UBE3D: variants seen among roughly 807,000 people sequenced by gnomAD.
The protein encoded by UBE3D is ubiquitin protein ligase E3D, also known as E3 ubiquitin-protein ligase E3D.
Under a neutral mutation model 49.6 loss-of-function variants are expected in UBE3D, and 48 were observed. The observed-to-expected ratio is 0.97, with a 90% CI of 0.77 to 1.23. The LOEUF (loss-of-function observed/expected upper bound fraction) is 1.23, where lower values mean the gene tolerates loss of function less well. Ranked by LOEUF, UBE3D falls within the 50% of genes most tolerant of loss-of-function variation. The pLI, the probability that UBE3D is intolerant of heterozygous loss-of-function variation, is 0.00. For missense variants in UBE3D, 452 were observed against 468.4 expected (o/e 0.96, Z 0.32); for synonymous variants, 189 against 174.2 (o/e 1.08, Z -0.67).
chr6:82,954,075 A>T (rs1174731006), intron 9 of UBE3D, among the ~76,000 whole-genome samples: 1 of 152,172 alleles, frequency 6.6e-6, no homozygotes, highest in Non-Finnish European at 1.5e-5. Context: ...GCCAGAGATG[A>T]GGTCAGAAAG....
chr6:82,910,211 C>A (rs548012260), intron 9 of UBE3D, among the ~76,000 whole-genome samples: 1 of 152,118 alleles, frequency 6.6e-6, no homozygotes, highest in Admixed American at 6.6e-5. Flanking sequence ...AAAACCCTTG[C>A]GTATCCACTC....
intron 5 of UBE3D, among the ~76,000 whole-genome samples, chr6:83,030,404 G>A (rs1210770852): frequency 6.6e-6 from 1 of 152,116 alleles, no homozygotes; most frequent in Non-Finnish European, 1.5e-5. Flanking sequence ...TTTTATAAAA[G>A]ACAGTTCCCC....
At chr6:83,013,658 A>T (rs1212453135) in intron 8 of UBE3D, among the ~76,000 whole-genome samples, 2 of 152,172 alleles carry the variant, frequency 1.3e-5, no homozygotes, top group East Asian at 3.8e-4. Flanking sequence ...GGAGGGGCGA[A>T]ATGCAGCAAC....
At chr6:82,891,531 T>C (rs1407959523), downstream of UBE3D, among the ~76,000 whole-genome samples, 1 of 152,172 alleles carries the variant, frequency 6.6e-6, no homozygotes, top group Non-Finnish European at 1.5e-5. Flanking sequence ...ACTAAGAACT[T>C]CAACGTTTCA....
intron 4 of UBE3D, among the ~76,000 whole-genome samples, chr6:83,043,672 A>T (rs1782827814): frequency 6.6e-6 from 1 of 152,172 alleles, no homozygotes; most frequent in Non-Finnish European, 1.5e-5. Context: ...TTTAAAATAC[A>T]ATGTTTTAGT....
intron 7 of UBE3D, among the ~76,000 whole-genome samples, chr6:83,020,201 T>C (rs1196690419): frequency 1.3e-5 from 2 of 152,236 alleles, no homozygotes; most frequent in Non-Finnish European, 2.9e-5. Flanking sequence ...ATTATTTTCA[T>C]TGCAGTTCAG....
At chr6:82,927,328 G>A (rs1403553910) in intron 9 of UBE3D, among the ~76,000 whole-genome samples, 2 of 151,142 alleles carry the variant, frequency 1.3e-5, no homozygotes, top group African/African-American at 2.4e-5. Context: ...TCAATATTGT[G>A]TTGGCTAGTT....
intron 8 of UBE3D, among the ~76,000 whole-genome samples, chr6:82,995,490 TCA>T (rs56663287): frequency 1.2e-4 from 16 of 138,254 alleles, no homozygotes; most frequent in Non-Finnish European, 1.9e-4. Context: ...ATACTAACAA[TCA>T]CACACACACA....
chr6:82,926,890 G>T (rs1227741882), intron 9 of UBE3D, among the ~76,000 whole-genome samples: 1 of 151,898 alleles, frequency 6.6e-6, no homozygotes, highest in African/African-American at 2.4e-5. Flanking sequence ...TTCTTTCATG[G>T]GGTATGCCTT....
chr6:82,969,237 G>T (rs1777169489), intron 8 of UBE3D, among the ~76,000 whole-genome samples: 1 of 132,792 alleles, frequency 7.5e-6, no homozygotes, highest in Non-Finnish European at 1.6e-5. Context: ...GGGGGTGGGG[G>T]TGGGGTGGGG....
Position 83,019,129 on chromosome 6 carries a change from A to C in UBE3D, c.854T>G (p.Leu285Arg). The C allele has an allele frequency of 6.2e-7, 1 of 1,612,840 alleles. No individual in the cohort carries two copies. Among genetic ancestry groups the C allele is most frequent in the Non-Finnish European group, 8.5e-7 (1 of 1,179,516 alleles). ...QDDKVYILLW[L>R]LNSDSLVIES... is the part of the protein sequence containing the mutation. ...AATCACCAAACTGTCTGAATTTAAA[A>C]GCCATAGCTAAAGATGTGAAGAGAA... The change falls in exon 8 of 10, where the codon CTT (leucine) becomes CGT (arginine). Residue 285 changes from leucine to arginine, a missense_variant. Physicochemically the swap from Leu to Arg is moderately radical, Grantham distance 102. Transcript: ENST00000369747.
intron 8 of UBE3D, among the ~76,000 whole-genome samples, chr6:82,974,356 A>AC (rs1260255022): frequency 6.6e-6 from 1 of 151,220 alleles, no homozygotes; most frequent in East Asian, 1.9e-4. Flanking sequence ...TGGTTCCAGG[A>AC]CCCCCCACAA....
intron 8 of UBE3D, among the ~76,000 whole-genome samples, chr6:82,972,366 G>T (rs1207796744): frequency 1.3e-5 from 2 of 152,170 alleles, no homozygotes; most frequent in East Asian, 1.9e-4. Flanking sequence ...GTCATAAGTG[G>T]ATTTCTCTGA....
chr6:83,034,366 CT>C (rs1298356795), intron 5 of UBE3D, among the ~76,000 whole-genome samples: 2 of 152,034 alleles, frequency 1.3e-5, no homozygotes, highest in Admixed American at 6.5e-5. Flanking sequence ...CTTGTTCAAC[CT>C]TTTTTCTTCT....
intron 8 of UBE3D, among the ~76,000 whole-genome samples, chr6:82,968,463 T>A (rs1184892372): frequency 6.6e-6 from 1 of 152,180 alleles, no homozygotes; most frequent in Non-Finnish European, 1.5e-5. Flanking sequence ...ATACCTTGGT[T>A]ATCTTTTCTC....
intron 1 of UBE3D, among the ~76,000 whole-genome samples, chr6:83,061,489 T>C (rs1048841609): frequency 3.3e-5 from 5 of 152,240 alleles, no homozygotes; most frequent in Admixed American, 2.6e-4. Context: ...AATTTCATAC[T>C]TGAGGCTTTC....
At chr6:82,937,698 A>G (rs1212545453) in intron 9 of UBE3D, among the ~76,000 whole-genome samples, 1 of 152,238 alleles carries the variant, frequency 6.6e-6, no homozygotes, top group African/African-American at 2.4e-5. Context: ...AGTGAAAAAT[A>G]AAAGGGGAAG....
intron 1 of UBE3D, among the ~76,000 whole-genome samples, chr6:83,060,413 T>C (rs1479679369): frequency 6.6e-6 from 1 of 152,236 alleles, no homozygotes; most frequent in African/African-American, 2.4e-5. Context: ...GAAATACCTG[T>C]GTGAAGTCAT....
chr6:83,005,322 AC>A (rs1399190409), intron 8 of UBE3D, among the ~76,000 whole-genome samples: 1 of 151,920 alleles, frequency 6.6e-6, no homozygotes, highest in African/African-American at 2.4e-5. Context: ...AAAAAAAAAA[AC>A]AGAATAACAA....
Sources: gnomAD v4.1 joint callset for allele counts (sites outside exome capture counted in the v4.1 genomes callset) on GRCh38, gnomAD v4.1.1 for gene constraint, MANE v1.5 for transcripts, NCBI Gene and HGNC (gene_info 2026-07-23, HGNC 2026-07-21) for gene names.